SDF4: variants seen among roughly 807,000 people sequenced by gnomAD.
The protein encoded by SDF4 is 45 kDa calcium-binding protein.
A neutral mutation model predicts 34.2 loss-of-function variants in SDF4; 22 were observed. That is an observed-to-expected ratio of 0.64 (90% CI 0.46 to 0.92). The LOEUF is 0.92. Among genes scored for constraint, SDF4 ranks in the 40% least tolerant of loss-of-function variants. The pLI is 0.00. For synonymous variants in SDF4, 236 were observed against 203.1 expected, an observed-to-expected ratio of 1.16 and a Z score of -1.38; for missense variants, 447 against 499.9, an observed-to-expected ratio of 0.89 and a Z score of 1.01.
chr1:1,230,288 G>A (rs1038728767), intron 1 of SDF4, among the ~76,000 whole-genome samples: 36 of 152,304 alleles, frequency 2.4e-4, no homozygotes, highest in African/African-American at 7.5e-4. Context: ...GGCGCTCAAC[G>A]AATGCTACCC....
At position 1,218,870 on chromosome 1, in the gene SDF4, G is replaced by A; in HGVS notation, c.614C>T (p.Ala205Val). 2 of 1,598,694 alleles carry A rather than the reference G, an allele frequency of 1.3e-6. No individual in the cohort carries two copies. The highest frequency in any genetic ancestry group is 1.7e-6 in the Non-Finnish European group (2 of 1,169,916). ...CTCCTCCTCCGTCAGCAGCAGGTCT[G>A]CAGGGGGGCTGTCCGCCTGGTACCA... ...DRWYQADSPP[A>V]DLLLTEEEFL... The change falls in exon 5 of 7, where the codon GCA becomes GTA. Residue 205 changes from alanine (A) to valine (V), a missense_variant. Physicochemically the swap from Ala to Val is moderately conservative, Grantham distance 64 (BLOSUM62 0). Coordinates refer to ENST00000360001, the MANE Select transcript of SDF4 (RefSeq NM_016176.6). The surrounding 1 kb of genome is among the most constrained non-coding windows in gnomAD (Gnocchi z 7.9).
In SDF4 at chr1:1,217,865, G is replaced by A. The variant is rs1649622444; in HGVS notation, c.892-177C>T. On this transcript the variant is annotated intron_variant, in intron 6 of 6. Coordinates refer to ENST00000360001, the MANE Select transcript of SDF4 (RefSeq NM_016176.6). The surrounding 1 kb of genome is among the most constrained non-coding windows in gnomAD (Gnocchi z 8.5). ...AACACAGGGCAGGGAGAAGCCGGGG[G>A]CCCCGGAAGGCCTGCCCGGGGCCAG... The A allele has an allele frequency of 4.1e-6, 6 of 1,471,770 alleles. No individual in the cohort carries two copies. The highest frequency in any genetic ancestry group is 2.4e-5 in the Admixed American group (1 of 41,410). 91.2% of individuals were successfully genotyped at this position (1,471,770 alleles called of 1,614,324 possible).
rs988901271 is a variant in SDF4, at chr1:1,220,859, T to A, written c.557-1932A>T. On this transcript the variant is annotated intron_variant, in intron 4 of 6. Coordinates refer to ENST00000360001, the MANE Select transcript of SDF4 (RefSeq NM_016176.6). ...ACAGGCCGGACCAACGGGATGAAGCTTAAAGACGCAGTCAGGACAGCAGGG... is the reference window on the plus strand; with the variant it reads ...ACAGGCCGGACCAACGGGATGAAGCATAAAGACGCAGTCAGGACAGCAGGG... The A allele has an allele frequency of 1.0e-5, 9 of 876,094 alleles. No homozygotes were observed. The African/African-American group carries it at 1.2e-4, about 12-fold the overall frequency. The allele number at this position is 876,094 out of a possible 1,614,324, so 54.3% of individuals were successfully genotyped here.
Position 1,220,531 on chromosome 1 carries a change from AGAGGTCGGGGGGTCCTAGGCACCCT to A in SDF4, c.557-1629_557-1605del, listed in dbSNP as rs560594415. The A allele has an allele frequency of 6.8e-4, 832 of 1,222,406 alleles. 7 individuals carry two copies. The East Asian group carries it at 0.011, about 16-fold the overall frequency. The allele number at this position is 1,222,406 out of a possible 1,614,324, so 75.7% of individuals were successfully genotyped here. A position where few individuals can be genotyped will look rare whatever the true frequency, so the allele number is the denominator to read the frequency against. The stretch of plus-strand genomic sequence containing the variant: ...CCTGAGCCAGAAACCAAATACCCAA[AGAGGTCGGGGGGTCCTAGGCACCCT>A]GAGGTCGGGGAGGCCAAGACGGATC... On this transcript the variant is annotated intron_variant, in intron 4 of 6. Transcript: ENST00000360001.
At position 1,218,564 on chromosome 1, in the gene SDF4, T is replaced by G. The variant is rs749339394; in HGVS notation, c.785A>C (p.Gln262Pro). ...GTTGTCGTCAATGTCCTGGCCCTGC[T>G]GGTTCTCCACGGTGCCCACGGGCAG... ...ISLPVGTVEN[Q>P]QGQDIDDNWV... The change falls in exon 6 of 7, where the codon CAG (glutamine) becomes CCG (proline). Residue 262 changes from glutamine to proline, a missense_variant. Gln to Pro is a moderately conservative substitution (Grantham distance 76). Coordinates refer to ENST00000360001, the MANE Select transcript of SDF4 (RefSeq NM_016176.6). The surrounding 1 kb of genome is among the most constrained non-coding windows in gnomAD (Gnocchi z 7.9). 558 of 1,614,086 alleles carry G rather than the reference T, an allele frequency of 3.5e-4. 9 individuals carry two copies. In the South Asian group the frequency reaches 5.8e-3, roughly 17 times the overall value.
At chr1:1,222,136 G>T (rs575954734) in intron 4 of SDF4, among the ~76,000 whole-genome samples, 1 of 152,240 alleles carries the variant, frequency 6.6e-6, no homozygotes, top group Non-Finnish European at 1.5e-5. Flanking sequence ...ACCCACCCCA[G>T]GATGCCGGGC....
In SDF4 at chr1:1,223,829, T is replaced by C. The variant is rs536494768; in HGVS notation, c.442+3A>G. 5 of 1,137,738 alleles carry C rather than the reference T, an allele frequency of 4.4e-6. No individual in the cohort carries two copies. In the African/African-American group the frequency reaches 7.5e-5, roughly 17 times the overall value. 70.5% of individuals were successfully genotyped at this position (1,137,738 alleles called of 1,614,324 possible). A position where few individuals can be genotyped will look rare whatever the true frequency, so the allele number is the denominator to read the frequency against. ...CCCACCCACCCCGGCCCAGCCACAG[T>C]ACCGTCCCCGTCAGGGTCCACGGCG... is the stretch of plus-strand genomic sequence containing the variant. On this transcript the variant is annotated splice_donor_region_variant and intron_variant, in intron 3 of 6. Coordinates refer to ENST00000360001, the MANE Select transcript of SDF4 (RefSeq NM_016176.6).
At chr1:1,231,162 T>C (rs939308958) in intron 1 of SDF4, among the ~76,000 whole-genome samples, 7 of 152,232 alleles carry the variant, frequency 4.6e-5, no homozygotes, top group African/African-American at 1.7e-4. Flanking sequence ...TGGCGCTTCC[T>C]CTCCTGGCTT....
intron 2 of SDF4, among the ~76,000 whole-genome samples, chr1:1,228,253 G>A (rs556750711): frequency 1.1e-4 from 17 of 152,362 alleles, no homozygotes; most frequent in African/African-American, 2.4e-4. Context: ...AGCCCCCGGC[G>A]GACCCAGGGC....
chr1:1,219,131 T>TCCCACAGGCCTGATC, intron 4 of SDF4: 1 of 1,469,962 alleles, frequency 6.8e-7, no homozygotes, highest in Non-Finnish European at 9.0e-7. Flanking sequence ...ACCCAGAGCC[T>TCCCACAGGCCTGATC]CCCACAGGCC....
intron 1 of SDF4, 129 bp downstream of exon 1, chr1:1,231,763 G>A (rs1043361642): frequency 1.3e-5 from 2 of 152,230 alleles, no homozygotes; most frequent in East Asian, 3.9e-4. Flanking sequence ...AGGGCTCAAG[G>A]CCGAGCGGAC....
rs1159605011 is a variant in SDF4, at chr1:1,218,668, C to T, written c.716-35G>A. The T allele has an allele frequency of 6.2e-7, 1 of 1,612,750 alleles. No individual in the cohort carries two copies. Among genetic ancestry groups the T allele is most frequent in the South Asian group, 1.1e-5 (1 of 91,052 alleles). On this transcript the variant is annotated intron_variant, in intron 5 of 6. Transcript: ENST00000360001. The surrounding 1 kb of genome is among the most constrained non-coding windows in gnomAD (Gnocchi z 7.9). ...GGGAATGGGTCAGCCCACACCCAGG[C>T]TGGGGCTCCCGCAGGACCTGCCCCG...
Position 1,225,692 on chromosome 1 carries a change from G to A in SDF4, c.306-1724C>T, listed in dbSNP as rs555843456. ...AATGCTCCGGTCACGCTCCACACGC[G>A]CCACAGACACAGGCCACACGCTCCA... On this transcript the variant is annotated intron_variant, in intron 2 of 6. Transcript: ENST00000360001. Among the ~76,000 whole-genome samples the A allele has an allele frequency of 2.0e-4, 31 of 151,718 alleles. No individual in the cohort carries two copies. The East Asian group carries it at 5.2e-3, about 26-fold the overall frequency.
At chr1:1,220,551 C>T (rs887736004) in intron 4 of SDF4, 86 of 1,255,566 alleles carry the variant, frequency 6.8e-5, no homozygotes, top group Non-Finnish European at 8.5e-5. Flanking sequence ...GGGTCCTAGG[C>T]ACCCTGAGGT....
At position 1,217,468 on chromosome 1, in the gene SDF4, G is replaced by A. The variant is rs374020353; in HGVS notation, c.*44C>T. The A allele has an allele frequency of 1.6e-4, 226 of 1,400,352 alleles. No individual in the cohort carries two copies. Among genetic ancestry groups the A allele is most frequent in the Middle Eastern group, 2.6e-4 (1 of 3,782 alleles). The allele number at this position is 1,400,352 out of a possible 1,614,324, so 86.7% of individuals were successfully genotyped here. The stretch of plus-strand genomic sequence containing the variant: ...GGAGCCCGGAGTCACCCGCGAGGCC[G>A]CCCCGGTGGTGCGTGGGGGGCGGCG... On this transcript the variant is annotated 3_prime_UTR_variant, in exon 7 of 7. Coordinates refer to ENST00000360001, the MANE Select transcript of SDF4 (RefSeq NM_016176.6). This position sits in a 1 kb window ranked among gnomAD's most constrained non-coding sequence, Gnocchi z 8.5.
chr1:1,227,670 T>C (rs2100984135), intron 2 of SDF4, among the ~76,000 whole-genome samples: 1 of 152,216 alleles, frequency 6.6e-6, no homozygotes, highest in East Asian at 1.9e-4. Flanking sequence ...TGCAAGTAGG[T>C]TCCAGGGCCA....
intron 4 of SDF4, chr1:1,219,194 A>G: frequency 1.6e-6 from 2 of 1,289,270 alleles, no homozygotes; most frequent in Non-Finnish European, 9.9e-7. Flanking sequence ...ACTCCCCAAG[A>G]CAGCCTGGAC....
intron 2 of SDF4, among the ~76,000 whole-genome samples, chr1:1,225,557 A>C (rs1381056418): frequency 6.6e-6 from 1 of 152,108 alleles, no homozygotes; most frequent in Non-Finnish European, 1.5e-5. Flanking sequence ...CCTGGGAGGC[A>C]CCCTCAGCTC....
In SDF4 at chr1:1,223,955, T is replaced by C. The variant is rs776974213; in HGVS notation, c.319A>G (p.Thr107Ala). 14 of 1,611,040 alleles carry C rather than the reference T, an allele frequency of 8.7e-6. 1 individual carries two copies. In the South Asian group the frequency reaches 8.8e-5, roughly 10 times the overall value. Residue 107 changes from threonine (T) to alanine (A), a missense_variant, in exon 3 of 7, where the codon ACT becomes GCT. Transcript: ENST00000360001. ...MVIFSKVDVN[T>A]DRKISAKEMQ... ...TCCTTGGCACTGATCTTCCGGTCAG[T>C]GTTCACATCCACCCTGCAAGACAGC...
Sources: allele counts gnomAD v4.1 joint callset (sites outside exome capture counted in the v4.1 genomes callset), GRCh38; gene constraint gnomAD v4.1.1; non-coding constraint Gnocchi (gnomAD v3.1); transcripts MANE v1.5; gene names NCBI Gene and HGNC (gene_info 2026-07-23, HGNC 2026-07-21).